The following ANKFN1 variants were observed in gnomAD, a reference collection of about 807,000 sequenced individuals.
ANKFN1 encodes the protein ankyrin repeat and fibronectin type-III domain-containing protein 1.
Under a neutral mutation model 108.7 loss-of-function variants are expected in ANKFN1, and 74 were observed. That is an observed-to-expected ratio of 0.68 (90% CI 0.56 to 0.83). The LOEUF (loss-of-function observed/expected upper bound fraction) is 0.83, where lower values mean the gene tolerates loss of function less well. Ranked by LOEUF, ANKFN1 falls within the 40% of genes least tolerant of loss-of-function variation. The pLI, the probability that ANKFN1 is intolerant of heterozygous loss-of-function variation, is 0.00. For synonymous variants in ANKFN1, 547 were observed against 516.2 expected (o/e 1.06, Z -0.81); for missense variants, 1,505 against 1,382.3 (o/e 1.09, Z -1.41).
Position 56,510,587 on chromosome 17 carries a change from C to T in ANKFN1, c.2759C>T (p.Ser920Leu). The change falls in exon 21 of 21, where the codon TCA becomes TTA. Residue 920 changes from serine (S) to leucine (L), a missense_variant. Transcript: ENST00000682825. ...SPRDLDLVYL[S>L]SHDIAQQTLS... ...AGAGACCTGGACCTGGTCTACCTAT[C>T]ATCTCACGACATTGCGCAGCAGACC... The T allele has an allele frequency of 2.0e-6, 3 of 1,536,218 alleles. No homozygotes were observed. Among genetic ancestry groups the T allele is most frequent in the Non-Finnish European group, 2.6e-6 (3 of 1,146,916 alleles).
intron 1 of ANKFN1, among the ~76,000 whole-genome samples, chr17:56,155,452 CTT>C (rs1909012341): frequency 6.6e-6 from 1 of 152,184 alleles, no homozygotes. Context: ...CCAATATAGT[CTT>C]TCATTTATTC....
intron 8 of ANKFN1, among the ~76,000 whole-genome samples, chr17:56,405,710 T>C (rs1472210236): frequency 6.6e-6 from 1 of 152,164 alleles, no homozygotes; most frequent in Non-Finnish European, 1.5e-5. Flanking sequence ...AAAACAGCTA[T>C]AAAAAAGAAT....
intron 4 of ANKFN1, among the ~76,000 whole-genome samples, chr17:56,087,439 T>C (rs1238617674): frequency 2.0e-5 from 3 of 151,334 alleles, no homozygotes; most frequent in Non-Finnish European, 3.0e-5. Context: ...GGGCAGTGTC[T>C]CTCTACTCAG....
chr17:56,498,790 C>A (rs551047349), intron 19 of ANKFN1, 92 bp from the exon 20 acceptor site: 4 of 1,050,194 alleles, frequency 3.8e-6, no homozygotes, highest in East Asian at 5.2e-5. Flanking sequence ...GCCAATATTG[C>A]GGAAAATGGA....
At chr17:56,051,395 A>G (rs1904771960) in intron 4 of ANKFN1, among the ~76,000 whole-genome samples, 1 of 131,298 alleles carries the variant, frequency 7.6e-6, no homozygotes, top group Non-Finnish European at 1.6e-5. Context: ...CTCTCAATAA[A>G]TTAGGTATTG....
Position 56,516,828 on chromosome 17 carries a change from C to T in ANKFN1, c.*5559C>T, listed in dbSNP as rs1056041857. On this transcript the variant is annotated 3_prime_UTR_variant, in exon 21 of 21. Coordinates refer to ENST00000682825, the MANE Select transcript of ANKFN1 (RefSeq NM_001370326.1). ...AAATCTAAGCTATCAGAGGGAATGA[C>T]TTTATTTCATAAGCATTAATTATAC... Among the ~76,000 whole-genome samples, 1 of 152,112 alleles carries T rather than the reference C, an allele frequency of 6.6e-6. No individual in the cohort carries two copies. The highest frequency in any genetic ancestry group is 1.5e-5 in the Non-Finnish European group (1 of 68,004).
At chr17:56,430,696 AG>A (rs2048727304) in intron 8 of ANKFN1, among the ~76,000 whole-genome samples, 1 of 152,198 alleles carries the variant, frequency 6.6e-6, no homozygotes, top group East Asian at 1.9e-4. Context: ...CAATTCCAAA[AG>A]TATTTATTGA....
At chr17:56,397,947 G>A (rs1414525204) in intron 8 of ANKFN1, among the ~76,000 whole-genome samples, 3 of 152,160 alleles carry the variant, frequency 2.0e-5, no homozygotes, top group East Asian at 3.9e-4. Context: ...TCTCCACAGA[G>A]ATGCCTATGG....
Position 56,466,397 on chromosome 17 carries a change from G to A in ANKFN1, c.1599G>A (p.Glu533=), listed in dbSNP as rs768200244. 5 of 1,613,978 alleles carry A rather than the reference G, an allele frequency of 3.1e-6. No individual in the cohort carries two copies. The highest frequency in any genetic ancestry group is 4.2e-6 in the Non-Finnish European group (5 of 1,180,016). Residue 533 remains glutamate, a synonymous_variant, in exon 15 of 21, where the codon GAG becomes GAA. Transcript: ENST00000682825. ...GTHNLGRVYY[E]PIKDRHGNIL... ...ACAACTTGGGAAGAGTTTACTATGA[G>A]CCCATTAAAGATCGACATGGAAACA... is the stretch of plus-strand genomic sequence containing the variant.
intron 8 of ANKFN1, among the ~76,000 whole-genome samples, chr17:56,410,558 T>C (rs1464660604): frequency 6.6e-6 from 1 of 152,210 alleles, no homozygotes; most frequent in Non-Finnish European, 1.5e-5. Context: ...TCTTTTCTTT[T>C]AGCAATTTTG....
intron 11 of ANKFN1, among the ~76,000 whole-genome samples, chr17:56,452,137 T>G (rs2049509134): frequency 6.6e-6 from 1 of 152,210 alleles, no homozygotes. Context: ...GGGATGAATT[T>G]ATATTATTAT....
chr17:56,080,796 G>C (rs932716563), intron 4 of ANKFN1, among the ~76,000 whole-genome samples: 1 of 152,220 alleles, frequency 6.6e-6, no homozygotes, highest in African/African-American at 2.4e-5. Flanking sequence ...GACATAGAAA[G>C]TGTGTGTTTT....
intron 3 of ANKFN1, among the ~76,000 whole-genome samples, chr17:56,321,479 T>G (rs978494208): frequency 5.9e-5 from 9 of 151,276 alleles, no homozygotes; most frequent in African/African-American, 2.2e-4. Context: ...AAAAAAAATC[T>G]TCGCTGAAAA....
intron 15 of ANKFN1, among the ~76,000 whole-genome samples, chr17:56,468,116 G>C (rs142036972): frequency 7.4e-4 from 112 of 152,330 alleles, no homozygotes; most frequent in African/African-American, 2.5e-3. Context: ...GAAAATGACA[G>C]AGCTGAGGCT....
chr17:56,305,182 T>G (rs1324739869), intron 3 of ANKFN1, among the ~76,000 whole-genome samples: 2 of 152,170 alleles, frequency 1.3e-5, no homozygotes, highest in Non-Finnish European at 2.9e-5. Context: ...CCATCAGATC[T>G]TGTGAGAACT....
intron 4 of ANKFN1, among the ~76,000 whole-genome samples, chr17:56,141,692 G>C (rs1907926897): frequency 6.6e-6 from 1 of 152,018 alleles, no homozygotes; most frequent in Non-Finnish European, 1.5e-5. Flanking sequence ...GGGGGAGCAG[G>C]AATTATTTGA....
At position 56,515,266 on chromosome 17, in the gene ANKFN1, T is replaced by C. The variant is rs2051887462; in HGVS notation, c.*3997T>C. Among the ~76,000 whole-genome samples, 1 of 152,192 alleles carries C rather than the reference T, an allele frequency of 6.6e-6. No individual in the cohort carries two copies. The highest frequency in any genetic ancestry group is 2.4e-5 in the African/African-American group (1 of 41,452). ...GTGTGTATTTCTTGGTATATGTGCT[T>C]ATTAAGCTATCACATACCAATTAGA... On this transcript the variant is annotated 3_prime_UTR_variant, in exon 21 of 21. Transcript: ENST00000682825.
chr17:56,171,793 G>A (rs1399858458), intron 1 of ANKFN1, among the ~76,000 whole-genome samples: 3 of 152,102 alleles, frequency 2.0e-5, no homozygotes, highest in African/African-American at 7.2e-5. Flanking sequence ...AAACAGCAGG[G>A]AAACAAGTGA....
chr17:56,167,588 T>C (rs907257541), intron 1 of ANKFN1, among the ~76,000 whole-genome samples: 2 of 152,056 alleles, frequency 1.3e-5, no homozygotes, highest in East Asian at 1.9e-4. Context: ...AATACCTTCA[T>C]TGTGTATATT....
Sources: allele counts gnomAD v4.1 joint callset (sites outside exome capture counted in the v4.1 genomes callset), GRCh38; gene constraint gnomAD v4.1.1; transcripts MANE v1.5; gene names NCBI Gene and HGNC (gene_info 2026-07-23, HGNC 2026-07-21).